ZRANB1: variants seen among roughly 807,000 people sequenced by gnomAD.
ZRANB1 encodes ubiquitin thioesterase ZRANB1.
ZRANB1 carries 16 observed loss-of-function variants against 80.5 expected under a neutral mutation model. The observed-to-expected ratio is 0.20, with a 90% CI of 0.13 to 0.30. The LOEUF (loss-of-function observed/expected upper bound fraction) is 0.30, where lower values mean the gene tolerates loss of function less well. Ranked by LOEUF, ZRANB1 falls within the 10% of genes least tolerant of loss-of-function variation. The probability of loss-of-function intolerance (pLI) is 1.00; values close to 1 mark genes in which losing one functional copy is unlikely to be tolerated. For synonymous variants in ZRANB1, 291 were observed against 293.1 expected, an observed-to-expected ratio of 0.99 and a Z score of 0.07; for missense variants, 576 against 862.6, an observed-to-expected ratio of 0.67 and a Z score of 4.16.
At chr10:124,931,750 G>C in the ZRANB1 span, among the ~76,000 whole-genome samples, 1 of 152,124 alleles carries the variant, frequency 6.6e-6, no homozygotes, top group Non-Finnish European at 1.5e-5. Context: ...CCATACACCT[G>C]CTGCCCCCAT....
At chr10:124,960,953 T>G (rs1951728308) in intron 1 of ZRANB1, among the ~76,000 whole-genome samples, 1 of 152,162 alleles carries the variant, frequency 6.6e-6, no homozygotes, top group African/African-American at 2.4e-5. Context: ...ATACACTATT[T>G]TATGAGTTTC....
intron 1 of ZRANB1, among the ~76,000 whole-genome samples, chr10:124,957,474 ATTGTTG>A (rs1951696046): frequency 6.6e-6 from 1 of 151,982 alleles, no homozygotes; most frequent in Admixed American, 6.6e-5. Context: ...GTACATTCTT[ATTGTTG>A]TGTAACCATT....
chr10:124,920,334 C>T, the ZRANB1 span, among the ~76,000 whole-genome samples: 2 of 152,236 alleles, frequency 1.3e-5, no homozygotes. Context: ...ATTTGGTATT[C>T]GATTTGGAAT....
chr10:124,924,118 G>A, the ZRANB1 span, among the ~76,000 whole-genome samples: 1 of 151,272 alleles, frequency 6.6e-6, no homozygotes, highest in African/African-American at 2.4e-5. Context: ...TACTCAGGCT[G>A]GTGTCAAACT....
Position 124,983,709 on chromosome 10 carries a change from A to G in ZRANB1, c.1908+21A>G, listed in dbSNP as rs1483400762. 6.5e-7 allele frequency: 1 copy of G among 1,542,652 alleles called. No homozygotes were observed. Among genetic ancestry groups the G allele is most frequent in the Non-Finnish European group, 8.8e-7 (1 of 1,137,788 alleles). ...AGGAGGTAAGCAGTTTCTCCTATGAACTATTTCTAGTAGTGACCTTGTACC... is the reference window on the plus strand; with the variant it reads ...AGGAGGTAAGCAGTTTCTCCTATGAGCTATTTCTAGTAGTGACCTTGTACC... On this transcript the variant is annotated intron_variant, in intron 8 of 8. Coordinates refer to ENST00000359653, the MANE Select transcript of ZRANB1 (RefSeq NM_017580.3). The surrounding 1 kb of genome is among the most constrained non-coding windows in gnomAD (Gnocchi z 6.2).
At position 124,964,008 on chromosome 10, in the gene ZRANB1, C is replaced by T. The variant is rs565706718; in HGVS notation, c.815-2586C>T. Among the ~76,000 whole-genome samples the T allele has an allele frequency of 3.3e-5, 5 of 152,318 alleles. No homozygotes were observed. The South Asian group carries it at 8.3e-4, about 25-fold the overall frequency. On this transcript the variant is annotated intron_variant, in intron 1 of 8. Transcript: ENST00000359653. ...TGTCAAAAACTGAGAATAGTCTGTT[C>T]TCCTCATCTTCTGTATGTCTGCCAT...
the ZRANB1 span, among the ~76,000 whole-genome samples, chr10:124,933,525 T>G: frequency 5.3e-5 from 8 of 152,246 alleles, no homozygotes; most frequent in Non-Finnish European, 1.0e-4. Flanking sequence ...TTGCTGTGTA[T>G]TTTTGGAGTT....
At chr10:124,926,470 G>A in the ZRANB1 span, among the ~76,000 whole-genome samples, 8 of 152,110 alleles carry the variant, frequency 5.3e-5, no homozygotes, top group Non-Finnish European at 1.2e-4. Flanking sequence ...GGCCTACACA[G>A]GGCCAGGATC....
chr10:124,948,579 T>C (rs1272934495), intron 1 of ZRANB1, among the ~76,000 whole-genome samples: 1 of 152,000 alleles, frequency 6.6e-6, no homozygotes, highest in Non-Finnish European at 1.5e-5. Context: ...CCTGGATTGC[T>C]CTCCACCTTC....
At chr10:124,941,599 C>G (rs1354011463), upstream of ZRANB1, among the ~76,000 whole-genome samples, 5 of 152,286 alleles carry the variant, frequency 3.3e-5, no homozygotes, top group East Asian at 9.6e-4. Flanking sequence ...ATCTACCCGC[C>G]TCAGCCTCCC....
In ZRANB1 at chr10:124,942,400, C is replaced by T. The variant is rs75262677; in HGVS notation, c.-94C>T. ...GTTGAAGGACTTGCTTTTTGGGCAGCGTATTTTTGGAGGTGGAATGTAGTT... is the reference window on the plus strand; with the variant it reads ...GTTGAAGGACTTGCTTTTTGGGCAGTGTATTTTTGGAGGTGGAATGTAGTT... On this transcript the variant is annotated 5_prime_UTR_variant, in exon 1 of 9. Coordinates refer to ENST00000359653, the MANE Select transcript of ZRANB1 (RefSeq NM_017580.3). The T allele has an allele frequency of 1.3e-5, 20 of 1,537,520 alleles. No individual in the cohort carries two copies. The highest frequency in any genetic ancestry group is 1.0e-4 in the Admixed American group (5 of 50,106).
intron 2 of ZRANB1, among the ~76,000 whole-genome samples, chr10:124,967,654 G>T: frequency 6.6e-6 from 1 of 152,132 alleles, no homozygotes; most frequent in East Asian, 1.9e-4. Flanking sequence ...TGCCAGAAGG[G>T]CAGAAGGGTA....
chr10:124,940,372 A>G (rs1291898124), upstream of ZRANB1: 1 of 495,236 alleles, frequency 2.0e-6, no homozygotes, highest in South Asian at 2.0e-5. Context: ...TCTCCTTTAC[A>G]GGAATAGCTA....
chr10:124,946,977 C>T (rs1171938374), intron 1 of ZRANB1, among the ~76,000 whole-genome samples: 1 of 152,066 alleles, frequency 6.6e-6, no homozygotes, highest in African/African-American at 2.4e-5. Flanking sequence ...GAGACTTTTC[C>T]ATTTAAAGTT....
chr10:124,973,431 A>G (rs1325788697), intron 3 of ZRANB1, among the ~76,000 whole-genome samples: 1 of 152,254 alleles, frequency 6.6e-6, no homozygotes, highest in Non-Finnish European at 1.5e-5. Flanking sequence ...TGCTGGAATT[A>G]TAGGCGTGAG....
At chr10:124,964,853 G>A (rs1951764834) in intron 1 of ZRANB1, among the ~76,000 whole-genome samples, 1 of 152,204 alleles carries the variant, frequency 6.6e-6, no homozygotes, top group African/African-American at 2.4e-5. Context: ...GAAGTGAAAG[G>A]AGATGGTGTG....
At chr10:124,920,677 G>A in the ZRANB1 span, among the ~76,000 whole-genome samples, 4 of 152,036 alleles carry the variant, frequency 2.6e-5, no homozygotes, top group South Asian at 6.2e-4. Flanking sequence ...GAGAGGTCCT[G>A]TCTCTAGAGA....
the ZRANB1 span, chr10:124,917,191 G>A: frequency 6.0e-6 from 1 of 167,344 alleles, no homozygotes; most frequent in Non-Finnish European, 1.2e-5. Context: ...TGCCGCCGCC[G>A]CCGCCGCCGC....
At chr10:124,984,690 C>A (rs1030361663) in intron 8 of ZRANB1, 84 bp from the exon 9 acceptor site, 1 of 1,380,874 alleles carries the variant, frequency 7.2e-7, no homozygotes. Flanking sequence ...GTTAGCATAC[C>A]AGCTGTAGGT....
Sources: allele counts gnomAD v4.1 joint callset (sites outside exome capture counted in the v4.1 genomes callset), GRCh38; gene constraint gnomAD v4.1.1; non-coding constraint Gnocchi (gnomAD v3.1); transcripts MANE v1.5; gene names NCBI Gene and HGNC (gene_info 2026-07-23, HGNC 2026-07-21).